Variants in YTHDC2 observed in about 807,000 individuals in gnomAD.
YTHDC2 encodes the protein YTH N6-methyladenosine RNA binding protein C2.
YTHDC2 carries 45 observed loss-of-function variants against 174.9 expected under a neutral mutation model. That is an observed-to-expected ratio of 0.26 (90% CI 0.20 to 0.33). The LOEUF (loss-of-function observed/expected upper bound fraction) is 0.33, where lower values mean the gene tolerates loss of function less well. Among genes scored for constraint, YTHDC2 ranks in the 10% least tolerant of loss-of-function variants. The pLI, the probability that YTHDC2 is intolerant of heterozygous loss-of-function variation, is 1.00. For missense variants in YTHDC2, 1,650 were observed against 1,723.7 expected, an observed-to-expected ratio of 0.96 and a Z score of 0.76; for synonymous variants, 657 against 574.5, an observed-to-expected ratio of 1.14 and a Z score of -2.05.
At chr5:113,584,674 A>G (rs1580648214) in intron 26 of YTHDC2, among the ~76,000 whole-genome samples, 195 bp downstream of exon 26, 1 of 151,892 alleles carries the variant, frequency 6.6e-6, no homozygotes, top group East Asian at 1.9e-4. Context: ...TCTAGTTATT[A>G]CCATCTTGGG....
chr5:113,544,472 C>G (rs1775714626), intron 10 of YTHDC2, among the ~76,000 whole-genome samples: 2 of 152,114 alleles, frequency 1.3e-5, no homozygotes, highest in Admixed American at 1.3e-4. Context: ...TACTTTTAAG[C>G]ATCTTTACCA....
At position 113,526,620 on chromosome 5, in the gene YTHDC2, C is replaced by G. The variant is rs1462635564; in HGVS notation, c.510C>G (p.Leu170=). Reference sequence around the variant, plus strand: ...AAATGAGCAAGACAAGTGGGCGACTCAACAATGGCATACCTCAGATTCCAG... The same window carrying G: ...AAATGAGCAAGACAAGTGGGCGACTGAACAATGGCATACCTCAGATTCCAG... ...NREMSKTSGR[L]NNGIPQIPVK... The change falls in exon 4 of 30, where the codon CTC becomes CTG. Residue 170 remains leucine, a synonymous_variant. Coordinates refer to ENST00000161863, the MANE Select transcript of YTHDC2 (RefSeq NM_022828.5). 7.6e-6 allele frequency: 12 copies of G among 1,575,090 alleles called. No homozygotes were observed. In the South Asian group the frequency reaches 9.3e-5, roughly 12 times the overall value.
chr5:113,558,554 T>A (rs1776756514), intron 17 of YTHDC2, among the ~76,000 whole-genome samples: 1 of 152,180 alleles, frequency 6.6e-6, no homozygotes, highest in South Asian at 2.1e-4. Flanking sequence ...TCCAGGTTTC[T>A]GTCTTAAAAA....
Position 113,553,724 on chromosome 5 carries a change from C to T in YTHDC2, c.1964+38C>T, listed in dbSNP as rs376307500. On this transcript the variant is annotated intron_variant, in intron 14 of 29. Transcript: ENST00000161863. ...GCCTTATATCTGTTGCTTAAAATAA[C>T]GGACAGGTCTTATAGTATGTTTTCT... 1.1e-4 allele frequency: 176 copies of T among 1,612,622 alleles called. 1 individual carries two copies. The African/African-American group carries it at 1.8e-3, about 16-fold the overall frequency.
At chr5:113,587,459 A>G (rs1242839529) in intron 26 of YTHDC2, among the ~76,000 whole-genome samples, 1 of 59,962 alleles carries the variant, frequency 1.7e-5, no homozygotes, top group East Asian at 3.6e-4. Context: ...ATGTATTCAT[A>G]TATAATATAT....
Position 113,579,553 on chromosome 5 carries a change from A to T in YTHDC2, c.3245-33A>T, listed in dbSNP as rs556285005. On this transcript the variant is annotated intron_variant, in intron 23 of 29. Coordinates refer to ENST00000161863, the MANE Select transcript of YTHDC2 (RefSeq NM_022828.5). ...TTTTTGCCATAACGTAAGAAGGTAAAAGTGATTTTTTTTTCATTATGTACT... is the reference window on the plus strand; with the variant it reads ...TTTTTGCCATAACGTAAGAAGGTAATAGTGATTTTTTTTTCATTATGTACT... 58 of 1,523,360 alleles carry T rather than the reference A, an allele frequency of 3.8e-5. 1 individual carries two copies. In the South Asian group the frequency reaches 6.7e-4, roughly 18 times the overall value. 94.4% of individuals were successfully genotyped at this position (1,523,360 alleles called of 1,614,324 possible).
chr5:113,537,361 C>CT lies in YTHDC2; in HGVS notation c.1102+1581dup, dbSNP rs139190695. ...GTATGTTTTATGGTTGGCTCTCTCT[C>CT]TTTTTTTTTTTTTTTTTTGTGAAAT... On this transcript the variant is annotated intron_variant, in intron 7 of 29. Transcript: ENST00000161863. 2.1e-3 allele frequency among the ~76,000 whole-genome samples: 259 copies of CT among 124,370 alleles called. 2 individuals are homozygous for CT. Among genetic ancestry groups the CT allele is most frequent in the South Asian group, 9.0e-3 (37 of 4,092 alleles). The allele number at this position is 124,370 out of a possible 152,430, so 81.6% of individuals were successfully genotyped here.
chr5:113,571,107 G>T (rs905260736), intron 23 of YTHDC2, among the ~76,000 whole-genome samples: 1 of 152,172 alleles, frequency 6.6e-6, no homozygotes, highest in Non-Finnish European at 1.5e-5. Context: ...TATGATACTG[G>T]CTGTGGGTTT....
intron 18 of YTHDC2, among the ~76,000 whole-genome samples, chr5:113,561,964 G>GTGTA (rs1298743817): frequency 2.0e-4 from 18 of 90,084 alleles, no homozygotes; most frequent in Admixed American, 5.8e-4. Context: ...GTGGGTGTGT[G>GTGTA]TGTGTGTGTG....
chr5:113,522,896 C>T (rs1011428479), intron 2 of YTHDC2, among the ~76,000 whole-genome samples: 3 of 152,066 alleles, frequency 2.0e-5, no homozygotes, highest in African/African-American at 7.2e-5. Context: ...ATTATCTTTC[C>T]ATTCTACCAT....
intron 23 of YTHDC2, among the ~76,000 whole-genome samples, chr5:113,576,868 G>A (rs1778087309): frequency 6.6e-6 from 1 of 152,036 alleles, no homozygotes; most frequent in South Asian, 2.1e-4. Flanking sequence ...TGATTGCTGT[G>A]TATTTAAACT....
intron 25 of YTHDC2, 113 bp from the exon 26 acceptor site, chr5:113,584,189 T>C (rs1391439886): frequency 2.5e-6 from 2 of 806,748 alleles, no homozygotes; most frequent in Non-Finnish European, 3.7e-6. Context: ...CATAAGATCA[T>C]TGGGACTTTG....
At chr5:113,539,025 A>C (rs757583781) in intron 7 of YTHDC2, 49 bp from the exon 8 acceptor site, 109 of 955,156 alleles carry the variant, frequency 1.1e-4, no homozygotes, top group Non-Finnish European at 1.4e-4. Flanking sequence ...TTTTATGTGA[A>C]TTTTCTCCAA....
intron 2 of YTHDC2, among the ~76,000 whole-genome samples, chr5:113,516,798 C>G (rs1773458477): frequency 1.3e-5 from 2 of 151,986 alleles, no homozygotes; most frequent in East Asian, 3.8e-4. Flanking sequence ...TCAGATGGTC[C>G]CAAAGTGAAA....
At chr5:113,558,503 G>T (rs1261967656) in intron 17 of YTHDC2, among the ~76,000 whole-genome samples, 1 of 152,174 alleles carries the variant, frequency 6.6e-6, no homozygotes, top group Non-Finnish European at 1.5e-5. Context: ...TGTGTATGTA[G>T]GGGGTGAGGG....
At chr5:113,537,311 A>C (rs1775147924) in intron 7 of YTHDC2, among the ~76,000 whole-genome samples, 1 of 151,466 alleles carries the variant, frequency 6.6e-6, no homozygotes, top group South Asian at 2.1e-4. Context: ...AATTTTAGGC[A>C]AAAATCTTAC....
Position 113,563,862 on chromosome 5 carries a change from A to G in YTHDC2, c.2446A>G (p.Ile816Val), listed in dbSNP as rs749453615. 9.3e-6 allele frequency: 15 copies of G among 1,614,044 alleles called. No individual in the cohort carries two copies. The Admixed American group carries it at 1.3e-4, about 14-fold the overall frequency. Reference protein sequence around the residue: ...VRNAVQMLKTIDAMDTWEDLT... With the variant: ...VRNAVQMLKTVDAMDTWEDLT... ...TGTTCTGTCTCCTTTTACTTAGACA[A>G]TAGATGCAATGGATACATGGGAAGA... is the stretch of plus-strand genomic sequence containing the variant. The change falls in exon 20 of 30, where the codon ATA becomes GTA. Residue 816 changes from isoleucine to valine, a missense_variant. Coordinates refer to ENST00000161863, the MANE Select transcript of YTHDC2 (RefSeq NM_022828.5).
chr5:113,567,736 A>G lies in YTHDC2; in HGVS notation c.3131A>G (p.His1044Arg), dbSNP rs762229560. The change falls in exon 23 of 30, where the codon CAT (histidine) becomes CGT (arginine). Residue 1044 changes from histidine (H) to arginine (R), a missense_variant. This residue lies in a region of YTHDC2 where 913 missense variants were observed against 940.4 expected (regional missense o/e 0.97). Coordinates refer to ENST00000161863, the MANE Select transcript of YTHDC2 (RefSeq NM_022828.5). ...WLIYDEMTRA[H>R]RIANIRCCSA... ...ATTTATGATGAAATGACCAGAGCCC[A>G]TAGAATAGCTAATATTAGATGTTGT... 7.4e-6 allele frequency: 12 copies of G among 1,611,982 alleles called. No individual in the cohort carries two copies. Among genetic ancestry groups the G allele is most frequent in the Non-Finnish European group, 1.0e-5 (12 of 1,179,086 alleles).
Position 113,579,664 on chromosome 5 carries a change from A to G in YTHDC2, c.3323A>G (p.Asp1108Gly), listed in dbSNP as rs1466813758. 6.2e-7 allele frequency: 1 copy of G among 1,609,976 alleles called. No homozygotes were observed. The highest frequency in any genetic ancestry group is 8.5e-7 in the Non-Finnish European group (1 of 1,177,760). The change falls in exon 24 of 30, where the codon GAT becomes GGT. Residue 1108 changes from aspartate (D) to glycine (G), a missense_variant. Transcript: ENST00000161863. ...TTANLAALKLDEWLHFTLEPE... is the reference protein window; with the variant it reads ...TTANLAALKLGEWLHFTLEPE... Reference sequence around the variant, plus strand: ...GCTAATTTGGCAGCCTTGAAACTTGATGAGTGGCTCCATTTCACACTGGAG... The same window carrying G: ...GCTAATTTGGCAGCCTTGAAACTTGGTGAGTGGCTCCATTTCACACTGGAG...
Sources: gnomAD v4.1 joint callset for allele counts (sites outside exome capture counted in the v4.1 genomes callset) on GRCh38, gnomAD v4.1.1 for gene constraint, gnomAD v4.1.1 regional missense constraint, MANE v1.5 for transcripts, NCBI Gene and HGNC (gene_info 2026-07-23, HGNC 2026-07-21) for gene names.